The following CFAP299 variants were observed in gnomAD, a reference collection of about 807,000 sequenced individuals.
The protein encoded by CFAP299 is cilia- and flagella-associated protein 299.
Under a neutral mutation model 27.0 loss-of-function variants are expected in CFAP299, and 21 were observed. The ratio of observed to expected loss-of-function variants is 0.78; its 90% CI spans 0.55 to 1.12. CFAP299 has a LOEUF of 1.12. CFAP299 is among the 50% of genes most tolerant of loss of function. The probability of loss-of-function intolerance (pLI) is 0.00; values close to 1 mark genes in which losing one functional copy is unlikely to be tolerated. For missense variants in CFAP299, 310 were observed against 276.6 expected (o/e 1.12, Z -0.86); for synonymous variants, 104 against 98.1 (o/e 1.06, Z -0.36).
At chr4:80,682,289 G>A (rs1359229433) in intron 3 of CFAP299, among the ~76,000 whole-genome samples, 2 of 152,016 alleles carry the variant, frequency 1.3e-5, no homozygotes, top group Non-Finnish European at 1.5e-5. Flanking sequence ...ATTAGATAAA[G>A]CCTCACTTTA....
chr4:80,674,118 G>A (rs910363126), intron 3 of CFAP299, among the ~76,000 whole-genome samples: 5 of 152,054 alleles, frequency 3.3e-5, no homozygotes, highest in Admixed American at 2.0e-4. Flanking sequence ...TCCTAGCCTC[G>A]ATGATCTTTA....
intron 3 of CFAP299, among the ~76,000 whole-genome samples, chr4:80,811,261 T>A (rs28477951): frequency 0.082 from 12,450 of 152,152 alleles, 683 homozygotes; most frequent in East Asian, 0.22. Context: ...TTGCAAAAAT[T>A]TATTTCTAAA....
chr4:80,473,583 T>G (rs1730119896), intron 2 of CFAP299, among the ~76,000 whole-genome samples: 1 of 152,090 alleles, frequency 6.6e-6, no homozygotes, highest in Non-Finnish European at 1.5e-5. Flanking sequence ...AATAGATTTT[T>G]TTTTTGAGAC....
intron 4 of CFAP299, among the ~76,000 whole-genome samples, chr4:80,923,206 T>G (rs1736133893): frequency 6.6e-6 from 1 of 151,196 alleles, no homozygotes; most frequent in Non-Finnish European, 1.5e-5. Flanking sequence ...GAGGAGGAGG[T>G]TACTAATACT....
At chr4:80,946,874 G>A (rs1263184607) in intron 5 of CFAP299, among the ~76,000 whole-genome samples, 1 of 152,148 alleles carries the variant, frequency 6.6e-6, no homozygotes, top group Non-Finnish European at 1.5e-5. Context: ...TTCCTTAGAA[G>A]TCTAAACTAT....
chr4:80,728,941 C>G (rs543901811), intron 3 of CFAP299, among the ~76,000 whole-genome samples: 1 of 152,298 alleles, frequency 6.6e-6, no homozygotes, highest in Non-Finnish European at 1.5e-5. Context: ...TTAAAAGATG[C>G]AATACCTAAA....
At chr4:80,614,765 T>G (rs958169494) in intron 3 of CFAP299, among the ~76,000 whole-genome samples, 2 of 152,236 alleles carry the variant, frequency 1.3e-5, no homozygotes, top group South Asian at 2.1e-4. Flanking sequence ...ATTAATCTCA[T>G]TTATTAAACA....
intron 2 of CFAP299, among the ~76,000 whole-genome samples, chr4:80,556,807 T>G (rs1734806696): frequency 6.6e-6 from 1 of 151,920 alleles, no homozygotes; most frequent in Non-Finnish European, 1.5e-5. Context: ...AGGAAACATA[T>G]TTTCCCAATC....
intron 2 of CFAP299, among the ~76,000 whole-genome samples, chr4:80,566,855 C>T (rs1176016373): frequency 2.0e-5 from 3 of 151,980 alleles, no homozygotes; most frequent in Non-Finnish European, 4.4e-5. Flanking sequence ...ACACAAAGAA[C>T]ATCTATTTCC....
At position 80,357,904 on chromosome 4, in the gene CFAP299, C is replaced by A. The variant is rs560259176; in HGVS notation, c.112-4850C>A. On this transcript the variant is annotated intron_variant, in intron 1 of 5. Transcript: ENST00000358105. Reference sequence around the variant, plus strand: ...GCTTTGGGATTTGTTTTCTCTTGATCCTCTTGTTCTTTTAATTGTAATATT... The same window carrying A: ...GCTTTGGGATTTGTTTTCTCTTGATACTCTTGTTCTTTTAATTGTAATATT... Among the ~76,000 whole-genome samples, 50 of 151,852 alleles carry A rather than the reference C, an allele frequency of 3.3e-4. 1 individual carries two copies. In the South Asian group the frequency reaches 9.0e-3, roughly 27 times the overall value.
At chr4:80,399,498 A>G (rs1383058043) in intron 2 of CFAP299, among the ~76,000 whole-genome samples, 2 of 152,106 alleles carry the variant, frequency 1.3e-5, no homozygotes, top group Non-Finnish European at 2.9e-5. Flanking sequence ...ATACCATGGA[A>G]TACTATACGG....
At chr4:80,674,405 G>T (rs989219400) in intron 3 of CFAP299, among the ~76,000 whole-genome samples, 3 of 152,140 alleles carry the variant, frequency 2.0e-5, no homozygotes, top group African/African-American at 4.8e-5. Context: ...TTAGTCTGAT[G>T]GTCTTCCCTT....
intron 2 of CFAP299, among the ~76,000 whole-genome samples, chr4:80,365,600 A>G (rs1400748326): frequency 2.6e-5 from 4 of 152,234 alleles, no homozygotes; most frequent in African/African-American, 9.6e-5. Context: ...GAAAATTGAA[A>G]TGAGGCTAGT....
intron 2 of CFAP299, among the ~76,000 whole-genome samples, chr4:80,493,719 T>C (rs6831485): frequency 0.38 from 57,055 of 149,834 alleles, 14,205 homozygotes; most frequent in African/African-American, 0.71. Context: ...AATTTATATC[T>C]AGCTCTTCTG....
intron 2 of CFAP299, among the ~76,000 whole-genome samples, chr4:80,389,016 A>G (rs1045042808): frequency 6.6e-6 from 1 of 152,156 alleles, no homozygotes; most frequent in South Asian, 2.1e-4. Flanking sequence ...TGTGTTTAAC[A>G]TGGAAAGTTC....
In CFAP299 at chr4:80,551,748, T is replaced by G. The variant is rs184926317; in HGVS notation, c.243-31345T>G. The stretch of plus-strand genomic sequence containing the variant: ...AAAAGCTTTCCATGTAAGTGATATA[T>G]CTATGATTTTTTTTTTTTTTAATGG... On this transcript the variant is annotated intron_variant, in intron 2 of 5. Coordinates refer to ENST00000358105, the MANE Select transcript of CFAP299 (RefSeq NM_152770.3). 1.6e-4 allele frequency among the ~76,000 whole-genome samples: 25 copies of G among 152,062 alleles called. No individual in the cohort carries two copies. In the East Asian group the frequency reaches 3.1e-3, roughly 19 times the overall value.
chr4:80,870,005 A>G lies in CFAP299; in HGVS notation c.346A>G (p.Ile116Val), dbSNP rs748706835. The change falls in exon 4 of 6, where the codon ATT becomes GTT. Residue 116 changes from isoleucine (I) to valine (V), a missense_variant. Physicochemically the swap from Ile to Val is conservative, Grantham distance 29 (BLOSUM62 3). Transcript: ENST00000358105. ...RSGKLSSVIF[I>V]RDRNSHGQEI... ...TCTGTGCTACCAGTCCGTGATCTTT[A>G]TTCGTGACAGAAATTCTCATGGGCA... is the stretch of plus-strand genomic sequence containing the variant. 1 of 1,611,110 alleles carries G rather than the reference A, an allele frequency of 6.2e-7. No homozygotes were observed. Among genetic ancestry groups the G allele is most frequent in the Admixed American group, 1.7e-5 (1 of 59,422 alleles).
At chr4:80,369,041 A>C (rs1237975047) in intron 2 of CFAP299, among the ~76,000 whole-genome samples, 1 of 152,214 alleles carries the variant, frequency 6.6e-6, no homozygotes, top group Non-Finnish European at 1.5e-5. Flanking sequence ...CTCTCAGCAC[A>C]GTGGAGAGCT....
intron 3 of CFAP299, among the ~76,000 whole-genome samples, chr4:80,684,512 G>C (rs781453729): frequency 6.6e-6 from 1 of 152,090 alleles, no homozygotes; most frequent in Non-Finnish European, 1.5e-5. Flanking sequence ...TGATCCACCC[G>C]CCTCGGCCTC....
Sources: allele counts gnomAD v4.1 joint callset (sites outside exome capture counted in the v4.1 genomes callset), GRCh38; gene constraint gnomAD v4.1.1; transcripts MANE v1.5; gene names NCBI Gene and HGNC (gene_info 2026-07-23, HGNC 2026-07-21).